RBM19: variants seen among roughly 807,000 people sequenced by gnomAD.
RBM19 encodes the protein RNA binding motif protein 19, also known as probable RNA-binding protein 19.
RBM19 carries 94 observed loss-of-function variants against 116.8 expected under a neutral mutation model. The ratio of observed to expected loss-of-function variants is 0.80; its 90% CI spans 0.68 to 0.95. RBM19 has a LOEUF of 0.95. Among genes scored for constraint, RBM19 ranks in the 40% least tolerant of loss-of-function variants. The pLI is 0.00. For missense variants in RBM19, 1,161 were observed against 1,220.7 expected (o/e 0.95, Z 0.73); for synonymous variants, 475 against 494.1 (o/e 0.96, Z 0.51).
intron 18 of RBM19, among the ~76,000 whole-genome samples, chr12:113,923,451 G>A (rs1490130602): frequency 6.6e-6 from 1 of 152,128 alleles, no homozygotes; most frequent in Non-Finnish European, 1.5e-5. Context: ...ATGGCAGCCC[G>A]GCAAACGAAT....
At chr12:113,848,348 T>C (rs748163294) in intron 22 of RBM19, among the ~76,000 whole-genome samples, 3 of 152,216 alleles carry the variant, frequency 2.0e-5, no homozygotes, top group Non-Finnish European at 2.9e-5. Context: ...TTCTAGTCCC[T>C]GCAGGTTAAT....
chr12:113,938,018 T>C (rs1307940952), intron 15 of RBM19, among the ~76,000 whole-genome samples: 2 of 152,194 alleles, frequency 1.3e-5, no homozygotes, highest in African/African-American at 4.8e-5. Flanking sequence ...ACTACTTAGC[T>C]GTGTGATCGT....
intron 21 of RBM19, among the ~76,000 whole-genome samples, chr12:113,860,706 G>C (rs1878294309): frequency 1.3e-5 from 2 of 152,104 alleles, no homozygotes; most frequent in Admixed American, 1.3e-4. Flanking sequence ...TGGAGGCTGG[G>C]GTGACTGCCC....
intron 22 of RBM19, among the ~76,000 whole-genome samples, chr12:113,855,548 G>C (rs1359844497): frequency 1.3e-5 from 2 of 152,194 alleles, no homozygotes; most frequent in Non-Finnish European, 2.9e-5. Context: ...CTTGGCGGGG[G>C]ATCTGAGTGG....
intron 19 of RBM19, among the ~76,000 whole-genome samples, chr12:113,918,663 G>A (rs530310723): frequency 1.3e-5 from 2 of 152,320 alleles, no homozygotes; most frequent in South Asian, 4.1e-4. Context: ...TCAGCCCTTG[G>A]ACGCTCTCTT....
At chr12:113,835,738 G>A (rs1377009891) in intron 23 of RBM19, among the ~76,000 whole-genome samples, 1 of 152,228 alleles carries the variant, frequency 6.6e-6, no homozygotes, top group Non-Finnish European at 1.5e-5. Context: ...GGCAGGCGGG[G>A]GAAGGCCCCA....
chr12:113,876,654 G>A (rs1283295466), intron 21 of RBM19, among the ~76,000 whole-genome samples: 1 of 152,020 alleles, frequency 6.6e-6, no homozygotes, highest in Non-Finnish European at 1.5e-5. Flanking sequence ...AGCTGGGTGT[G>A]GTGGTGTGTG....
chr12:113,907,449 G>A (rs943801159), intron 21 of RBM19, among the ~76,000 whole-genome samples: 2 of 152,152 alleles, frequency 1.3e-5, no homozygotes, highest in African/African-American at 2.4e-5. Flanking sequence ...GAGGAGACAG[G>A]AGGCACCCCA....
chr12:113,832,902 G>A (rs1875554847), intron 23 of RBM19, among the ~76,000 whole-genome samples: 2 of 152,286 alleles, frequency 1.3e-5, no homozygotes, highest in Admixed American at 1.3e-4. Flanking sequence ...GGGATAACGG[G>A]CTCTCTTGGT....
chr12:113,845,152 G>C (rs199743058), intron 22 of RBM19, among the ~76,000 whole-genome samples: 2 of 152,300 alleles, frequency 1.3e-5, no homozygotes. Flanking sequence ...TGAGAAAGCC[G>C]AGCCCTGGCC....
In RBM19 at chr12:113,940,163, G is replaced by A; in HGVS notation, c.1738-3C>T. 1 of 1,611,548 alleles carries A rather than the reference G, an allele frequency of 6.2e-7. No individual in the cohort carries two copies. Among genetic ancestry groups the A allele is most frequent in the African/African-American group, 1.3e-5 (1 of 75,018 alleles). ...GTCTTGCTTCGCTCTGCTGCAGCCT[G>A]CAAAGAGGAAATGCACACACATGGG... On this transcript the variant is annotated splice_polypyrimidine_tract_variant and splice_region_variant and intron_variant, in intron 14 of 23. Coordinates refer to ENST00000261741, the MANE Select transcript of RBM19 (RefSeq NM_016196.4).
chr12:113,856,276 C>T (rs1877894969), intron 22 of RBM19, among the ~76,000 whole-genome samples: 2 of 152,234 alleles, frequency 1.3e-5, no homozygotes, highest in African/African-American at 2.4e-5. Context: ...GAAGGAACAT[C>T]CACAGCCGGG....
chr12:113,881,883 T>C (rs1880158919), intron 21 of RBM19, among the ~76,000 whole-genome samples: 1 of 152,266 alleles, frequency 6.6e-6, no homozygotes, highest in South Asian at 2.1e-4. Flanking sequence ...CCAGTTATTC[T>C]GTGGGGTAGA....
At chr12:113,827,146 C>T (rs977405215) in intron 23 of RBM19, among the ~76,000 whole-genome samples, 1 of 152,068 alleles carries the variant, frequency 6.6e-6, no homozygotes, top group Non-Finnish European at 1.5e-5. Flanking sequence ...TGGGTTTTCA[C>T]CAAACAAACA....
At chr12:113,933,289 G>A (rs979191268) in intron 16 of RBM19, among the ~76,000 whole-genome samples, 1 of 150,768 alleles carries the variant, frequency 6.6e-6, no homozygotes, top group African/African-American at 2.4e-5. Flanking sequence ...AGCCCTCGTT[G>A]TCCTCGTACA....
At position 113,957,804 on chromosome 12, in the gene RBM19, C is replaced by A. The variant is rs1872095041; in HGVS notation, c.818G>T (p.Arg273Ile). ...QEQGMPAGKK[R>I]PPEARAETEK... ...CACCTCGGCTCTGGCCTCCGGTGGTCTCTTTTTCCCAGCTGGCATCCCTTG... is the reference window on the plus strand; with the variant it reads ...CACCTCGGCTCTGGCCTCCGGTGGTATCTTTTTCCCAGCTGGCATCCCTTG... The change falls in exon 6 of 24, where the codon AGA becomes ATA. Residue 273 changes from arginine (R) to isoleucine (I), a missense_variant. Physicochemically the swap from Arg to Ile is moderately conservative, Grantham distance 97. Coordinates refer to ENST00000261741, the MANE Select transcript of RBM19 (RefSeq NM_016196.4). 6.2e-7 allele frequency: 1 copy of A among 1,602,208 alleles called. No homozygotes were observed. The highest frequency in any genetic ancestry group is 8.5e-7 in the Non-Finnish European group (1 of 1,173,060).
At position 113,962,333 on chromosome 12, in the gene RBM19, T is replaced by G; in HGVS notation, c.118A>C (p.Lys40Gln). 1 of 1,614,248 alleles carries G rather than the reference T, an allele frequency of 6.2e-7. No individual in the cohort carries two copies. Among genetic ancestry groups the G allele is most frequent in the Non-Finnish European group, 8.5e-7 (1 of 1,180,044 alleles). ...CCAATAAAACCAAACTTGCGGAACT[T>G]GCCATCTTTGGTGAACTTCAGGCTG... ...DCSLKFTKDGKFRKFGFIGFK... is the reference protein window; with the variant it reads ...DCSLKFTKDGQFRKFGFIGFK... The change falls in exon 2 of 24, where the codon AAG (lysine) becomes CAG (glutamine). Residue 40 changes from lysine (K) to glutamine (Q), a missense_variant. By Grantham distance (53) the Lys-to-Gln change is moderately conservative. Transcript: ENST00000261741.
In RBM19 at chr12:113,898,343, G is replaced by T. The variant is rs1201384580; in HGVS notation, c.2558+16626C>A. Among the ~76,000 whole-genome samples the T allele has an allele frequency of 6.6e-6, 1 of 152,088 alleles. No homozygotes were observed. The highest frequency in any genetic ancestry group is 1.5e-5 in the Non-Finnish European group (1 of 68,012). On this transcript the variant is annotated intron_variant, in intron 21 of 23. Coordinates refer to ENST00000261741, the MANE Select transcript of RBM19 (RefSeq NM_016196.4). The surrounding 1 kb of genome is among the most constrained non-coding windows in gnomAD (Gnocchi z 4.3). ...TGAAGAGATTTCAGTGCCTGTACTGGACTTCAGGGACAGGCAAGTGACATC... is the reference window on the plus strand; with the variant it reads ...TGAAGAGATTTCAGTGCCTGTACTGTACTTCAGGGACAGGCAAGTGACATC...
At position 113,880,566 on chromosome 12, in the gene RBM19, G is replaced by A. The variant is rs1003555637; in HGVS notation, c.2559-21670C>T. On this transcript the variant is annotated intron_variant, in intron 21 of 23. Transcript: ENST00000261741. Reference sequence around the variant, plus strand: ...GCAGAGTGATGTCACAGCTGCGAACGGCGAGACTCTGGGCTACAGCCCTAC... The same window carrying A: ...GCAGAGTGATGTCACAGCTGCGAACAGCGAGACTCTGGGCTACAGCCCTAC... Among the ~76,000 whole-genome samples the A allele has an allele frequency of 2.6e-5, 4 of 152,122 alleles. No individual in the cohort carries two copies. The East Asian group carries it at 5.8e-4, about 22-fold the overall frequency.
Sources: gnomAD v4.1 joint callset for allele counts (sites outside exome capture counted in the v4.1 genomes callset) on GRCh38, gnomAD v4.1.1 for gene constraint, Gnocchi (gnomAD v3.1) non-coding constraint, MANE v1.5 for transcripts, NCBI Gene and HGNC (gene_info 2026-07-23, HGNC 2026-07-21) for gene names.